The following TAOK3 variants were observed in gnomAD, a reference collection of about 807,000 sequenced individuals.
The protein encoded by TAOK3 is TAO kinase 3, also known as serine/threonine-protein kinase TAO3.
A neutral mutation model predicts 120.4 loss-of-function variants in TAOK3; 40 were observed. The ratio of observed to expected loss-of-function variants is 0.33; its 90% CI spans 0.26 to 0.43. The LOEUF (loss-of-function observed/expected upper bound fraction) is 0.43. Ranked by LOEUF, TAOK3 falls within the 20% of genes least tolerant of loss-of-function variation. The pLI, the probability that TAOK3 is intolerant of heterozygous loss-of-function variation, is 1.00. For missense variants in TAOK3, 821 were observed against 1,112.1 expected, an observed-to-expected ratio of 0.74 and a Z score of 3.72; for synonymous variants, 355 against 387.5, an observed-to-expected ratio of 0.92 and a Z score of 0.99.
intron 11 of TAOK3, among the ~76,000 whole-genome samples, chr12:118,203,112 C>G (rs2038116109): frequency 1.3e-5 from 2 of 151,916 alleles, no homozygotes; most frequent in African/African-American, 4.8e-5. Context: ...TGCCTCAATC[C>G]TCACCCCCAT....
At chr12:118,198,142 C>T (rs2037826537) in intron 13 of TAOK3, among the ~76,000 whole-genome samples, 1 of 152,038 alleles carries the variant, frequency 6.6e-6, no homozygotes, top group African/African-American at 2.4e-5. Context: ...AGGCACTGTC[C>T]ACATAGCACA....
At chr12:118,162,756 G>A (rs1199150384) in intron 17 of TAOK3, among the ~76,000 whole-genome samples, 2 of 151,778 alleles carry the variant, frequency 1.3e-5, no homozygotes, top group African/African-American at 2.4e-5. Flanking sequence ...GTTCTTTTCC[G>A]TTCTACTCAT....
Position 118,161,521 on chromosome 12 carries a change from T to C in TAOK3, c.2139+267A>G, listed in dbSNP as rs139208234. Among the ~76,000 whole-genome samples, 13 of 152,376 alleles carry C rather than the reference T, an allele frequency of 8.5e-5. No individual in the cohort carries two copies. Among genetic ancestry groups the C allele is most frequent in the African/African-American group, 3.1e-4 (13 of 41,600 alleles). On this transcript the variant is annotated intron_variant, in intron 18 of 20. Coordinates refer to ENST00000392533, the MANE Select transcript of TAOK3 (RefSeq NM_016281.4). This position sits in a 1 kb window ranked among gnomAD's most constrained non-coding sequence, Gnocchi z 4.5. Reference sequence around the variant, plus strand: ...TTAGTCCAGTTTTGAAGATGGCAGGTCATGAAGTGCTCAGAGAAATTCCAT... The same window carrying C: ...TTAGTCCAGTTTTGAAGATGGCAGGCCATGAAGTGCTCAGAGAAATTCCAT...
chr12:118,228,572 G>A (rs1368927235), intron 9 of TAOK3, among the ~76,000 whole-genome samples: 3 of 152,096 alleles, frequency 2.0e-5, no homozygotes, highest in Non-Finnish European at 4.4e-5. Context: ...TTATGATTTT[G>A]AGATTTATCC....
intron 14 of TAOK3, among the ~76,000 whole-genome samples, chr12:118,183,207 G>C (rs2036875643): frequency 6.6e-6 from 1 of 152,024 alleles, no homozygotes; most frequent in Non-Finnish European, 1.5e-5. Context: ...CAGTTTATGG[G>C]TTAAAATACA....
chr12:118,229,113 T>G (rs114554346), intron 9 of TAOK3, among the ~76,000 whole-genome samples: 3,574 of 150,364 alleles, frequency 0.024, 135 homozygotes, highest in East Asian at 0.13. Context: ...CTTTTTTTTT[T>G]GGGGGGGACA....
At position 118,181,255 on chromosome 12, in the gene TAOK3, C is replaced by T. The variant is rs142337817; in HGVS notation, c.1566+116G>A. 2.3e-4 allele frequency: 200 copies of T among 881,778 alleles called. No individual in the cohort carries two copies. In the African/African-American group the frequency reaches 2.8e-3, roughly 12 times the overall value. The allele number at this position is 881,778 out of a possible 1,614,324, so 54.6% of individuals were successfully genotyped here. On this transcript the variant is annotated intron_variant, in intron 15 of 20. Transcript: ENST00000392533. ...AAAATCTAGAAACCCAATTTTGCCACCCCGGAAACAACAATTTTCCTCCAT... is the reference window on the plus strand; with the variant it reads ...AAAATCTAGAAACCCAATTTTGCCATCCCGGAAACAACAATTTTCCTCCAT...
chr12:118,201,058 A>G (rs2037995084), intron 12 of TAOK3: 1 of 350,602 alleles, frequency 2.9e-6, no homozygotes. Flanking sequence ...TCCCACCAGC[A>G]GACTTATTTT....
chr12:118,261,371 A>G (rs1171645167), intron 2 of TAOK3: 1 of 152,254 alleles, frequency 6.6e-6, no homozygotes, highest in Non-Finnish European at 1.5e-5. Flanking sequence ...AAATTATACC[A>G]AGGCACATCA....
chr12:118,368,091 G>A (rs2045789732), intron 1 of TAOK3, among the ~76,000 whole-genome samples: 1 of 152,200 alleles, frequency 6.6e-6, no homozygotes, highest in South Asian at 2.1e-4. Flanking sequence ...TTTGCATCCT[G>A]CTAAACAAAG....
intron 9 of TAOK3, among the ~76,000 whole-genome samples, chr12:118,233,160 C>A (rs537259721): frequency 0.1 from 15,171 of 148,908 alleles, 964 homozygotes; most frequent in Middle Eastern, 0.15. Context: ...GGACAAAAAA[C>A]CAAACACCGC....
chr12:118,288,750 T>C (rs527768082), intron 1 of TAOK3, among the ~76,000 whole-genome samples: 1 of 151,384 alleles, frequency 6.6e-6, no homozygotes, highest in Admixed American at 6.6e-5. Flanking sequence ...ACCCTGTCTC[T>C]ACTAAAATAC....
intron 3 of TAOK3, among the ~76,000 whole-genome samples, chr12:118,247,790 T>C (rs765138185): frequency 6.6e-5 from 10 of 152,200 alleles, no homozygotes; most frequent in East Asian, 1.9e-4. Flanking sequence ...ACTGGAATTA[T>C]AGGCGTGAGC....
Position 118,189,955 on chromosome 12 carries a change from TA to T in TAOK3, c.1195-15del. 6.2e-7 allele frequency: 1 copy of T among 1,612,850 alleles called. No homozygotes were observed. ...GAATACATGATCCTGCAGAAATGGATAAAAACAAGGAGAAAGTCCAGCTGTG... is the reference window on the plus strand; with the variant it reads ...GAATACATGATCCTGCAGAAATGGATAAAACAAGGAGAAAGTCCAGCTGTG... On this transcript the variant is annotated splice_polypyrimidine_tract_variant and intron_variant, in intron 13 of 20. Coordinates refer to ENST00000392533, the MANE Select transcript of TAOK3 (RefSeq NM_016281.4).
chr12:118,337,439 A>C (rs2044411903), intron 1 of TAOK3, among the ~76,000 whole-genome samples: 1 of 152,234 alleles, frequency 6.6e-6, no homozygotes, highest in African/African-American at 2.4e-5. Flanking sequence ...ATGGAGAATT[A>C]TGTTTACATA....
intron 11 of TAOK3, among the ~76,000 whole-genome samples, chr12:118,207,164 T>TA (rs2038366287): frequency 6.6e-6 from 1 of 151,476 alleles, no homozygotes; most frequent in African/African-American, 2.4e-5. Context: ...CTGTCTCTAC[T>TA]AAAAATAGAA....
chr12:118,243,396 TAG>T lies in TAOK3; in HGVS notation c.294+17_294+18del. On this transcript the variant is annotated intron_variant, in intron 5 of 20. Coordinates refer to ENST00000392533, the MANE Select transcript of TAOK3 (RefSeq NM_016281.4). ...AAAAAAATGTAATAGTAAAAGATAA[TAG>T]AGGTCCTTCGACTTACCCAAGCAGT... 1 of 1,326,212 alleles carries T rather than the reference TAG, an allele frequency of 7.5e-7. No homozygotes were observed. The highest frequency in any genetic ancestry group is 1.1e-6 in the Non-Finnish European group (1 of 939,108). The allele number at this position is 1,326,212 out of a possible 1,614,324, so 82.2% of individuals were successfully genotyped here.
At chr12:118,185,870 C>A (rs1047687265) in intron 14 of TAOK3, among the ~76,000 whole-genome samples, 1 of 152,138 alleles carries the variant, frequency 6.6e-6, no homozygotes, top group Non-Finnish European at 1.5e-5. Flanking sequence ...ATGGTATCAG[C>A]AATGACCTTA....
intron 1 of TAOK3, among the ~76,000 whole-genome samples, chr12:118,317,392 G>C (rs1019820760): frequency 6.7e-6 from 1 of 149,664 alleles, no homozygotes; most frequent in Non-Finnish European, 1.5e-5. Context: ...TCCGCCTTCT[G>C]GGTTCACGCC....
Sources: gnomAD v4.1 joint callset for allele counts (sites outside exome capture counted in the v4.1 genomes callset) on GRCh38, gnomAD v4.1.1 for gene constraint, Gnocchi (gnomAD v3.1) non-coding constraint, MANE v1.5 for transcripts, NCBI Gene and HGNC (gene_info 2026-07-23, HGNC 2026-07-21) for gene names.